Variants in PUDP observed in about 807,000 individuals in gnomAD.
PUDP encodes pseudouridine-5'-phosphatase.
Under a neutral mutation model 9.4 loss-of-function variants are expected in PUDP, and 8 were observed. The ratio of observed to expected loss-of-function variants is 0.85; its 90% CI spans 0.50 to 1.53. The LOEUF is 1.53. PUDP is among the 40% of genes most tolerant of loss of function. PUDP has a pLI of 0.00. For missense variants in PUDP, 188 were observed against 189.7 expected (o/e 0.99, Z 0.05); for synonymous variants, 99 against 80.7 (o/e 1.23, Z -1.22).
intron 3 of PUDP, among the ~76,000 whole-genome samples, chrX:6,876,875 A>AT (rs1927269146): frequency 1.8e-5 from 2 of 109,036 alleles, no homozygotes; most frequent in African/African-American, 6.9e-5. Context: ...ACACACATAT[A>AT]AATATAGACA....
intron 3 of PUDP, among the ~76,000 whole-genome samples, chrX:6,763,410 A>G (rs917944124): frequency 8.9e-6 from 1 of 112,219 alleles, no homozygotes; most frequent in South Asian, 3.7e-4. Context: ...ACACCTTAAA[A>G]TTATGAAATT....
intron 1 of PUDP, among the ~76,000 whole-genome samples, chrX:7,030,971 G>A (rs768655706): frequency 9.0e-6 from 1 of 111,614 alleles, no homozygotes; most frequent in South Asian, 3.8e-4. Context: ...ATTTCTTGAC[G>A]ATATGCTAAA....
intron 3 of PUDP, among the ~76,000 whole-genome samples, chrX:6,940,061 A>G (rs765931270): frequency 5.3e-5 from 6 of 112,576 alleles, no homozygotes; most frequent in Non-Finnish European, 1.1e-4. Flanking sequence ...ATTCTGAGAC[A>G]GATATAAGGG....
intron 3 of PUDP, among the ~76,000 whole-genome samples, chrX:6,924,168 CCTAT>C (rs1928066321): frequency 9.0e-6 from 1 of 111,678 alleles, no homozygotes; most frequent in Non-Finnish European, 1.9e-5. Context: ...AGTACCCATC[CCTAT>C]CTAACATGCT....
intron 3 of PUDP, among the ~76,000 whole-genome samples, chrX:6,897,057 T>C (rs187090102): frequency 1.5e-3 from 169 of 111,252 alleles, no homozygotes; most frequent in African/African-American, 5.3e-3. Flanking sequence ...GCCATGTTCA[T>C]AAGGTAGTAA....
intron 1 of PUDP, among the ~76,000 whole-genome samples, chrX:6,980,596 G>A (rs946210383): frequency 4.6e-5 from 5 of 109,558 alleles, no homozygotes; most frequent in African/African-American, 1.7e-4. Flanking sequence ...AGCACTCAAG[G>A]TGCATTACAG....
chrX:7,013,181 T>C (rs986220814), intron 1 of PUDP, among the ~76,000 whole-genome samples: 4 of 112,286 alleles, frequency 3.6e-5, no homozygotes, highest in Non-Finnish European at 5.6e-5. Flanking sequence ...TCTGACCCAG[T>C]GCTAACAAAA....
chrX:6,949,616 T>G (rs1928519333), intron 3 of PUDP, among the ~76,000 whole-genome samples: 1 of 112,796 alleles, frequency 8.9e-6, no homozygotes, highest in Non-Finnish European at 1.9e-5. Context: ...GTTCTTTCTT[T>G]TTCTGTTTAT....
At chrX:7,054,363 T>G (rs1389689295) in intron 3 of PUDP, among the ~76,000 whole-genome samples, 1 of 108,788 alleles carries the variant, frequency 9.2e-6, no homozygotes, top group Admixed American at 9.9e-5. Context: ...TGAGTCAAGA[T>G]CGTGCCACTG....
intron 3 of PUDP, among the ~76,000 whole-genome samples, chrX:6,800,797 T>C (rs916174138): frequency 1.8e-5 from 2 of 111,727 alleles, no homozygotes; most frequent in African/African-American, 6.5e-5. Context: ...CTGAGTAAAA[T>C]AGAGGGTCCC....
chrX:6,917,353 GA>G (rs112033129), intron 3 of PUDP, among the ~76,000 whole-genome samples: 6,127 of 100,066 alleles, frequency 0.061, 296 homozygotes, highest in African/African-American at 0.18. Context: ...GGCAATAGAG[GA>G]AAACCCTAAC....
At chrX:6,902,661 G>A (rs2146753029) in intron 3 of PUDP, among the ~76,000 whole-genome samples, 1 of 111,963 alleles carries the variant, frequency 8.9e-6, no homozygotes, top group Non-Finnish European at 1.9e-5. Flanking sequence ...TGGGGTCTAT[G>A]TGACTTGCTT....
At chrX:7,144,334 C>A (rs888183073) in intron 1 of PUDP, among the ~76,000 whole-genome samples, 1 of 112,205 alleles carries the variant, frequency 8.9e-6, no homozygotes, top group African/African-American at 3.2e-5. Flanking sequence ...CTAGGGCATG[C>A]GCTAATATTA....
chrX:7,142,819 G>A (rs944238560), intron 1 of PUDP, among the ~76,000 whole-genome samples: 8 of 108,940 alleles, frequency 7.3e-5, no homozygotes, highest in African/African-American at 1.7e-4. Flanking sequence ...TAATTTTTGT[G>A]TGTGTATTTT....
chrX:6,817,196 C>G (rs755848574), intron 3 of PUDP, among the ~76,000 whole-genome samples: 5 of 108,769 alleles, frequency 4.6e-5, no homozygotes, highest in African/African-American at 1.7e-4. Flanking sequence ...CTTGCCTCAG[C>G]CTTCTGAGTA....
At chrX:6,820,301 TTGGG>T (rs1471247856) in intron 3 of PUDP, among the ~76,000 whole-genome samples, 1 of 110,647 alleles carries the variant, frequency 9.0e-6, no homozygotes. Context: ...AAGCTGAGAT[TTGGG>T]TGGGGACACA....
chrX:7,048,405 G>C (rs1321468653), downstream of PUDP, among the ~76,000 whole-genome samples: 1 of 112,269 alleles, frequency 8.9e-6, no homozygotes, highest in African/African-American at 3.2e-5. Context: ...TGAAATCCAT[G>C]AGCTATTCAA....
chrX:6,784,810 A>C (rs969895116), intron 3 of PUDP, among the ~76,000 whole-genome samples: 2 of 112,437 alleles, frequency 1.8e-5, no homozygotes, highest in African/African-American at 6.5e-5. Context: ...TGCAGAGTGA[A>C]AATGAATGTG....
At chrX:7,046,251 A>ACT (rs1217929023), downstream of PUDP, among the ~76,000 whole-genome samples, 1 of 111,858 alleles carries the variant, frequency 8.9e-6, no homozygotes, top group Non-Finnish European at 1.9e-5. Flanking sequence ...ATTATGGTGG[A>ACT]CTCTGATCCA....
Sources: allele counts gnomAD v4.1 joint callset (sites outside exome capture counted in the v4.1 genomes callset), GRCh38; gene constraint gnomAD v4.1.1; transcripts MANE v1.5; gene names NCBI Gene and HGNC (gene_info 2026-07-23, HGNC 2026-07-21).